Variants in NELL1 observed in about 807,000 individuals in gnomAD.
NELL1 encodes the protein neural EGFL like 1, also known as protein kinase C-binding protein NELL1.
In NELL1, 76 loss-of-function variants were observed where a neutral mutation model predicts 107.4. The ratio of observed to expected loss-of-function variants is 0.71; its 90% CI spans 0.59 to 0.86. The LOEUF is 0.86. Among genes scored for constraint, NELL1 ranks in the 40% least tolerant of loss-of-function variants. The pLI, the probability that NELL1 is intolerant of heterozygous loss-of-function variation, is 0.00. For missense variants in NELL1, 1,024 were observed against 1,005.5 expected, an observed-to-expected ratio of 1.02 and a Z score of -0.25; for synonymous variants, 353 against 341.2, an observed-to-expected ratio of 1.03 and a Z score of -0.38.
At chr11:21,565,003 A>T (rs936474171) in intron 17 of NELL1, among the ~76,000 whole-genome samples, 1 of 151,960 alleles carries the variant, frequency 6.6e-6, no homozygotes, top group South Asian at 2.1e-4. Context: ...CTTCCTAAGA[A>T]TAGGACTTAC....
intron 2 of NELL1, among the ~76,000 whole-genome samples, chr11:20,732,333 C>G (rs748968914): frequency 7.2e-5 from 11 of 152,200 alleles, no homozygotes; most frequent in Non-Finnish European, 1.2e-4. Context: ...CTTTAATCCT[C>G]ACTTCAGCTT....
chr11:21,548,735 G>A (rs1856502988), intron 16 of NELL1, among the ~76,000 whole-genome samples: 1 of 151,554 alleles, frequency 6.6e-6, no homozygotes, highest in Admixed American at 6.6e-5. Context: ...TACAGAATTG[G>A]GAGTCAACCA....
intron 14 of NELL1, among the ~76,000 whole-genome samples, chr11:21,346,533 T>C (rs1481016550): frequency 6.8e-6 from 1 of 147,914 alleles, no homozygotes; most frequent in Non-Finnish European, 1.5e-5. Flanking sequence ...TAATTTATTA[T>C]ATATGATATA....
chr11:20,953,223 A>T (rs548535341), intron 11 of NELL1, among the ~76,000 whole-genome samples: 27 of 152,204 alleles, frequency 1.8e-4, no homozygotes, highest in Non-Finnish European at 2.8e-4. Flanking sequence ...AGATTTTAGA[A>T]TAGAGGACTC....
At chr11:20,801,241 A>T (rs894389631) in intron 3 of NELL1, among the ~76,000 whole-genome samples, 3 of 152,222 alleles carry the variant, frequency 2.0e-5, no homozygotes, top group Non-Finnish European at 4.4e-5. Flanking sequence ...CTTGTTTTTT[A>T]AAAAATACGT....
intron 7 of NELL1, among the ~76,000 whole-genome samples, chr11:20,925,063 G>A (rs1019694467): frequency 6.6e-6 from 1 of 152,118 alleles, no homozygotes; most frequent in Admixed American, 6.5e-5. Context: ...AGGAGGATGT[G>A]CATACGTTAT....
chr11:20,888,368 CTA>C (rs538565651), intron 5 of NELL1, among the ~76,000 whole-genome samples: 30 of 151,464 alleles, frequency 2.0e-4, no homozygotes, highest in African/African-American at 6.8e-4. Flanking sequence ...TCTGATGCCT[CTA>C]TGTTTTCTAA....
chr11:21,453,314 T>A (rs1344560256), intron 15 of NELL1, among the ~76,000 whole-genome samples: 3 of 151,548 alleles, frequency 2.0e-5, no homozygotes, highest in Non-Finnish European at 2.9e-5. Flanking sequence ...GCATTTAGGA[T>A]TTTTATGACT....
At chr11:20,765,664 G>T (rs1456399518) in intron 2 of NELL1, among the ~76,000 whole-genome samples, 4 of 152,142 alleles carry the variant, frequency 2.6e-5, no homozygotes, top group Admixed American at 2.6e-4. Flanking sequence ...GTATTAGTTG[G>T]TGGAATCTAA....
intron 12 of NELL1, among the ~76,000 whole-genome samples, chr11:21,041,276 C>T (rs1043745995): frequency 1.6e-4 from 24 of 152,098 alleles, no homozygotes; most frequent in African/African-American, 5.8e-4. Context: ...TAATGCCTTA[C>T]CTTGCGTAGT....
At chr11:20,702,025 G>A (rs1054729193) in intron 2 of NELL1, among the ~76,000 whole-genome samples, 1 of 152,028 alleles carries the variant, frequency 6.6e-6, no homozygotes, top group African/African-American at 2.4e-5. Flanking sequence ...CTTTAAAGTA[G>A]TTTTTTTCCA....
chr11:20,979,240 C>CT (rs934559944), intron 12 of NELL1, among the ~76,000 whole-genome samples: 3 of 151,988 alleles, frequency 2.0e-5, no homozygotes, highest in Admixed American at 6.6e-5. Flanking sequence ...AAATCTGTGA[C>CT]TTTTTTTTAG....
intron 15 of NELL1, among the ~76,000 whole-genome samples, chr11:21,375,449 C>T (rs1162091954): frequency 4.6e-5 from 7 of 152,060 alleles, no homozygotes; most frequent in African/African-American, 1.4e-4. Flanking sequence ...ATCCACTCCA[C>T]TATTGAGCAC....
In NELL1 at chr11:20,927,485, G is replaced by A. The variant is rs115015990; in HGVS notation, c.894+43G>A. 5,462 of 1,577,626 alleles carry A rather than the reference G, an allele frequency of 3.5e-3. 179 individuals carry two copies. In the African/African-American group the frequency reaches 0.067, roughly 19 times the overall value. Reference sequence around the variant, plus strand: ...TAAATACAGTAAAAACAGTTTTAAGGGGAGAGGTTTGATAATTAGAGTGTA... The same window carrying A: ...TAAATACAGTAAAAACAGTTTTAAGAGGAGAGGTTTGATAATTAGAGTGTA... On this transcript the variant is annotated intron_variant, in intron 8 of 19. Coordinates refer to ENST00000357134, the MANE Select transcript of NELL1 (RefSeq NM_006157.5).
At chr11:20,978,969 T>C (rs1329242078) in intron 12 of NELL1, among the ~76,000 whole-genome samples, 1 of 152,196 alleles carries the variant, frequency 6.6e-6, no homozygotes, top group Non-Finnish European at 1.5e-5. Flanking sequence ...CACAGGTAGT[T>C]ACACTTGAAA....
At chr11:20,669,554 G>T (rs553974038), upstream of NELL1, 64 of 311,158 alleles carry the variant, frequency 2.1e-4, no homozygotes, top group East Asian at 3.5e-3. The surrounding 1 kb of genome is among the most constrained non-coding windows in gnomAD (Gnocchi z 4.4). Context: ...GGCGGCCGGG[G>T]CTGCCTTCCC....
chr11:21,391,258 C>T (rs1851871652), intron 15 of NELL1, among the ~76,000 whole-genome samples: 1 of 151,720 alleles, frequency 6.6e-6, no homozygotes, highest in South Asian at 2.1e-4. Context: ...TTTATATAAA[C>T]TCTACCTTTC....
At chr11:21,160,617 G>A (rs1333557880) in intron 13 of NELL1, among the ~76,000 whole-genome samples, 1 of 152,014 alleles carries the variant, frequency 6.6e-6, no homozygotes, top group Non-Finnish European at 1.5e-5. Flanking sequence ...CATAACATTT[G>A]AAATTTCCTT....
intron 11 of NELL1, among the ~76,000 whole-genome samples, chr11:20,952,282 CA>C (rs1175683184): frequency 6.6e-6 from 1 of 152,140 alleles, no homozygotes; most frequent in East Asian, 1.9e-4. Flanking sequence ...ACATCTGTTC[CA>C]AATGCGTTTA....
Sources: gnomAD v4.1 joint callset for allele counts (sites outside exome capture counted in the v4.1 genomes callset) on GRCh38, gnomAD v4.1.1 for gene constraint, Gnocchi (gnomAD v3.1) non-coding constraint, MANE v1.5 for transcripts, NCBI Gene and HGNC (gene_info 2026-07-23, HGNC 2026-07-21) for gene names.